The following CDC42EP5 variants were observed in gnomAD, a reference collection of about 807,000 sequenced individuals.
CDC42EP5 encodes the protein CDC42 effector protein 5.
For synonymous variants in CDC42EP5, 118 were observed against 123.3 expected (o/e 0.96, Z 0.28); for missense variants, 269 against 238.0 (o/e 1.13, Z -0.86).
intron 2 of CDC42EP5, among the ~76,000 whole-genome samples, chr19:54,467,672 G>A (rs945595158): frequency 5.3e-5 from 8 of 151,210 alleles, no homozygotes; most frequent in Admixed American, 4.6e-4. Flanking sequence ...ACAGGTGTGC[G>A]CTGCCATGCC....
At chr19:54,466,712 A>G (rs1050212166) in intron 2 of CDC42EP5, among the ~76,000 whole-genome samples, 9 of 152,256 alleles carry the variant, frequency 5.9e-5, no homozygotes, top group Admixed American at 4.6e-4. Context: ...AAAAATGAGT[A>G]CAAGTTTCAA....
chr19:54,470,366 T>C (rs974427354), intron 2 of CDC42EP5, among the ~76,000 whole-genome samples: 1 of 140,096 alleles, frequency 7.1e-6, no homozygotes, highest in Non-Finnish European at 1.5e-5. Flanking sequence ...AAAGAGACCC[T>C]GTCTCAAGAA....
intron 2 of CDC42EP5, among the ~76,000 whole-genome samples, chr19:54,468,920 C>CTTCCTTCCTTCCTTCCTTCTTTCT (rs753994637): frequency 4.8e-4 from 59 of 124,006 alleles, no homozygotes; most frequent in East Asian, 1.8e-3. Flanking sequence ...TCCTTCCTTC[C>CTTCCTTCCTTCCTTCCTTCTTTCT]TTCTTTCTTT....
At chr19:54,469,676 T>C (rs2084808757) in intron 2 of CDC42EP5, among the ~76,000 whole-genome samples, 1 of 152,230 alleles carries the variant, frequency 6.6e-6, no homozygotes, top group African/African-American at 2.4e-5. Context: ...TCAATTAACA[T>C]ATGCTCAATG....
Position 54,465,284 on chromosome 19 carries a change from C to G in CDC42EP5, c.264G>C (p.Leu88=). The change falls in exon 3 of 3, where the codon CTG becomes CTC. Residue 88 remains leucine (L), a synonymous_variant. Transcript: ENST00000301200. ...GCCCCAGATCCAGGTGGAAGGACAGCAGCGGGTCGGCAGGCGAGGGCGCTG... is the reference window on the plus strand; with the variant it reads ...GCCCCAGATCCAGGTGGAAGGACAGGAGCGGGTCGGCAGGCGAGGGCGCTG... ...QSAAPSPADP[L]LSFHLDLGPS... 7.7e-7 allele frequency: 1 copy of G among 1,304,262 alleles called. No homozygotes were observed. The highest frequency in any genetic ancestry group is 9.8e-7 in the Non-Finnish European group (1 of 1,023,712). The allele number at this position is 1,304,262 out of a possible 1,614,324, so 80.8% of individuals were successfully genotyped here. A position where few individuals can be genotyped will look rare whatever the true frequency, so the allele number is the denominator to read the frequency against.
intron 2 of CDC42EP5, among the ~76,000 whole-genome samples, chr19:54,468,066 C>G (rs2084779489): frequency 6.6e-6 from 1 of 152,182 alleles, no homozygotes; most frequent in South Asian, 2.1e-4. Flanking sequence ...TAAAATAACA[C>G]TACCTTCCTT....
chr19:54,465,126 T>G lies in CDC42EP5; in HGVS notation c.422A>C (p.Glu141Ala). Residue 141 changes from glutamate (E) to alanine (A), a missense_variant, in exon 3 of 3, where the codon GAG becomes GCG. Transcript: ENST00000301200. ...CTAGAGGCCGATGACGTCGTTCAGCTCGAGGTCCGCGTTGGGGCGGCAGCG... is the reference window on the plus strand; with the variant it reads ...CTAGAGGCCGATGACGTCGTTCAGCGCGAGGTCCGCGTTGGGGCGGCAGCG... The part of the protein sequence containing the change: ...QARCRPNADL[E>A]LNDVIGL 1.4e-6 allele frequency: 2 copies of G among 1,387,204 alleles called. No individual in the cohort carries two copies. The highest frequency in any genetic ancestry group is 1.9e-6 in the Non-Finnish European group (2 of 1,075,574). 85.9% of individuals were successfully genotyped at this position (1,387,204 alleles called of 1,614,324 possible). A position where few individuals can be genotyped will look rare whatever the true frequency, so the allele number is the denominator to read the frequency against.
chr19:54,467,280 C>T (rs1330270133), intron 2 of CDC42EP5, among the ~76,000 whole-genome samples: 5 of 121,656 alleles, frequency 4.1e-5, no homozygotes, highest in Non-Finnish European at 8.7e-5. Context: ...GAAACTCCAT[C>T]TCTACTAAAA....
intron 2 of CDC42EP5, among the ~76,000 whole-genome samples, chr19:54,470,144 G>GA (rs2123297529): frequency 6.6e-6 from 1 of 152,242 alleles, no homozygotes; most frequent in South Asian, 2.1e-4. Context: ...GAGACAGCAG[G>GA]ATCACTTGAG....
Position 54,465,211 on chromosome 19 carries a change from C to A in CDC42EP5, c.337G>T (p.Glu113Ter). 1.4e-6 allele frequency: 2 copies of A among 1,439,298 alleles called. No homozygotes were observed. Among genetic ancestry groups the A allele is most frequent in the Non-Finnish European group, 1.8e-6 (2 of 1,100,164 alleles). 89.2% of individuals were successfully genotyped at this position (1,439,298 alleles called of 1,614,324 possible). Reference sequence around the variant, plus strand: ...GCGTCGGGCTTGGCGGCAGCCGCCTCCGGGCGCGCCGCGTCCATGACGCCC... The same window carrying A: ...GCGTCGGGCTTGGCGGCAGCCGCCTACGGGCGCGCCGCGTCCATGACGCCC... ...VLGVMDAARPEAAAAKPDAEP... is the reference protein window; with the variant it reads ...VLGVMDAARP The change falls in exon 3 of 3, where the codon GAG (glutamate) becomes TAG (stop). Residue 113 changes from glutamate to a stop codon, truncating the protein, a stop_gained. Transcript: ENST00000301200. LOFTEE classifies it low-confidence loss of function (END_TRUNC).
chr19:54,468,912 C>CTTCCTTCCTTCCT (rs1194725900), intron 2 of CDC42EP5, among the ~76,000 whole-genome samples: 1 of 67,188 alleles, frequency 1.5e-5, no homozygotes, highest in African/African-American at 4.1e-5. Context: ...TCCTTCCTTC[C>CTTCCTTCCTTCCT]TTCCTTCCTT....
chr19:54,470,597 G>T (rs754880521), intron 2 of CDC42EP5, among the ~76,000 whole-genome samples: 11 of 152,076 alleles, frequency 7.2e-5, no homozygotes, highest in Non-Finnish European at 1.5e-4. Flanking sequence ...CTACACTGAG[G>T]GTGCCGAAAT....
At position 54,465,527 on chromosome 19, in the gene CDC42EP5, C is replaced by T; in HGVS notation, c.21G>A (p.Leu7=). 6.5e-7 allele frequency: 1 copy of T among 1,535,932 alleles called. No individual in the cohort carries two copies. The highest frequency in any genetic ancestry group is 2.6e-5 in the East Asian group (1 of 38,634). The change falls in exon 3 of 3, where the codon CTG becomes CTA. Residue 7 remains leucine (L), a synonymous_variant. Coordinates refer to ENST00000301200, the MANE Select transcript of CDC42EP5 (RefSeq NM_145057.4). MPVLKQ[L]GPAQPKKRPD... Reference sequence around the variant, plus strand: ...GCCGCTTCTTGGGCTGCGCGGGGCCCAGCTGCTTCAGCACGGGCATCTGCG... The same window carrying T: ...GCCGCTTCTTGGGCTGCGCGGGGCCTAGCTGCTTCAGCACGGGCATCTGCG...
At chr19:54,468,922 T>TCCTTCCTTCCTTCCTTCTTTCTTTCTTTC (rs1491162621) in intron 2 of CDC42EP5, among the ~76,000 whole-genome samples, 1 of 148,492 alleles carries the variant, frequency 6.7e-6, no homozygotes, top group Admixed American at 6.8e-5. Context: ...CTTCCTTCCT[T>TCCTTCCTTCCTTCCTTCTTTCTTTCTTTC]CTTTCTTTCT....
chr19:54,471,780 A>G, intron 1 of CDC42EP5, 95 bp from the exon 2 acceptor site: 1 of 159,828 alleles, frequency 6.3e-6, no homozygotes, highest in Non-Finnish European at 1.4e-5. Flanking sequence ...CTCAGGTCCT[A>G]GGCGTCCTAG....
intron 2 of CDC42EP5, among the ~76,000 whole-genome samples, chr19:54,465,979 T>G (rs1208651541): frequency 1.3e-5 from 2 of 152,102 alleles, no homozygotes; most frequent in African/African-American, 4.8e-5. Context: ...GGAGGTCCCA[T>G]GGGCACAGCT....
At chr19:54,466,161 G>T (rs1355359936) in intron 2 of CDC42EP5, among the ~76,000 whole-genome samples, 1 of 151,798 alleles carries the variant, frequency 6.6e-6, no homozygotes, top group Non-Finnish European at 1.5e-5. Context: ...CAGCTTGTTG[G>T]CCCGGGTGCG....
In CDC42EP5 at chr19:54,465,738, C is replaced by T. The variant is rs145554195; in HGVS notation, c.1-191G>A. Among the ~76,000 whole-genome samples, 341 of 152,300 alleles carry T rather than the reference C, an allele frequency of 2.2e-3. 3 individuals are homozygous for T. The highest frequency in any genetic ancestry group is 7.8e-3 in the African/African-American group (323 of 41,570). ...GCAACCTCCGCCTCCCGGGTTCAGG[C>T]GATTCTTCCTCCTCAGTCTCCCGAG... On this transcript the variant is annotated intron_variant, in intron 2 of 2. Transcript: ENST00000301200.
chr19:54,465,323 G>A lies in CDC42EP5; in HGVS notation c.225C>T (p.Ala75=). 1.7e-6 allele frequency: 2 copies of A among 1,189,868 alleles called. No individual in the cohort carries two copies. Among genetic ancestry groups the A allele is most frequent in the Non-Finnish European group, 2.1e-6 (2 of 961,402 alleles). 73.7% of individuals were successfully genotyped at this position (1,189,868 alleles called of 1,614,324 possible). ...AGAPRSPPPP[A]VPQSAAPSPA... is the part of the protein sequence containing the mutation. ...GCGAGGGCGCTGCGGACTGCGGGAC[G>A]GCGGGCGGCGGCGGGGAGCGCGGGG... The change falls in exon 3 of 3, where the codon GCC becomes GCT. Residue 75 remains alanine, a synonymous_variant. Coordinates refer to ENST00000301200, the MANE Select transcript of CDC42EP5 (RefSeq NM_145057.4).
Sources: gnomAD v4.1 joint callset for allele counts (sites outside exome capture counted in the v4.1 genomes callset) on GRCh38, gnomAD v4.1.1 for gene constraint, MANE v1.5 for transcripts, NCBI Gene and HGNC (gene_info 2026-07-23, HGNC 2026-07-21) for gene names.